The following CEMIP variants were observed in gnomAD, a reference collection of about 807,000 sequenced individuals.
CEMIP encodes the protein cell migration-inducing and hyaluronan-binding protein.
CEMIP carries 105 observed loss-of-function variants against 156.9 expected under a neutral mutation model. The ratio of observed to expected loss-of-function variants is 0.67; its 90% confidence interval spans 0.57 to 0.79. The LOEUF is 0.79. Among genes scored for constraint, CEMIP ranks in the 30% least tolerant of loss-of-function variants. The probability of loss-of-function intolerance (pLI) is 0.00; values close to 1 mark genes in which losing one functional copy is unlikely to be tolerated. For synonymous variants in CEMIP, 676 were observed against 668.4 expected, an observed-to-expected ratio of 1.01 and a Z score of -0.17; for missense variants, 1,457 against 1,769.4, an observed-to-expected ratio of 0.82 and a Z score of 3.17.
rs897902203 is a variant in CEMIP at position 80,780,506 on chromosome 15, T to C, written c.-176+892T>C. Among the ~76,000 whole-genome samples, 4 of 152,172 alleles carry C rather than the reference T, an allele frequency of 2.6e-5. No homozygotes were observed. In the South Asian group the frequency reaches 8.3e-4, roughly 32 times the overall value. ...CAGACACTCTCTGCGACAGCCGCTG[T>C]TCCCCAAGGGTCGGACGCTACGGCA... On this transcript the variant is annotated intron_variant, in intron 1 of 29. Transcript: ENST00000394685.
chr15:80,931,991 G>A lies in CEMIP; in HGVS notation c.2745G>A (p.Gln915=), dbSNP rs775805077. Residue 915 remains glutamine, a synonymous_variant, in exon 22 of 30, where the codon CAG becomes CAA. Coordinates refer to ENST00000394685, the MANE Select transcript of CEMIP (RefSeq NM_001293298.2). ...CCTTCCGCCTGAATAATGCCTGGCA[G>A]AGCTGCCCCCATAACAACGTGACCG... ...ALAFRLNNAW[Q]SCPHNNVTGI... 6.2e-7 allele frequency: 1 copy of A among 1,614,184 alleles called. No individual in the cohort carries two copies. Among genetic ancestry groups the A allele is most frequent in the East Asian group, 2.2e-5 (1 of 44,880 alleles).
chr15:80,902,454 G>A (rs1373453171), intron 12 of CEMIP, among the ~76,000 whole-genome samples: 2 of 152,154 alleles, frequency 1.3e-5, no homozygotes, highest in Admixed American at 6.5e-5. Context: ...GATGGGGTGC[G>A]GGGGAGTCAG....
At chr15:80,890,943 T>A (rs978004691) in intron 10 of CEMIP, among the ~76,000 whole-genome samples, 13 of 152,224 alleles carry the variant, frequency 8.5e-5, no homozygotes, top group Non-Finnish European at 1.8e-4. Flanking sequence ...CCAGATTAAG[T>A]TTCAAGTTGC....
intron 23 of CEMIP, among the ~76,000 whole-genome samples, chr15:80,934,263 G>GA (rs1433311745): frequency 1.3e-5 from 2 of 152,096 alleles, no homozygotes; most frequent in African/African-American, 2.4e-5. Context: ...AATGGGATAG[G>GA]AAAAAATATT....
chr15:80,889,676 G>C, intron 10 of CEMIP, 84 bp downstream of exon 10: 1 of 1,564,762 alleles, frequency 6.4e-7, no homozygotes, highest in Non-Finnish European at 8.7e-7. Context: ...CTTGTCACTT[G>C]GGTGCTGTGA....
intron 1 of CEMIP, among the ~76,000 whole-genome samples, chr15:80,870,937 G>T (rs1022578003): frequency 4.6e-4 from 70 of 152,316 alleles, no homozygotes; most frequent in African/African-American, 1.6e-3. Context: ...ACCCAGTGAG[G>T]ACAGCGGTCA....
intron 1 of CEMIP, among the ~76,000 whole-genome samples, chr15:80,814,783 A>G (rs531510357): frequency 6.6e-6 from 1 of 152,162 alleles, no homozygotes; most frequent in African/African-American, 2.4e-5. Context: ...CCAAATCATT[A>G]TTTTCTCCAG....
chr15:80,937,328 T>G (rs184841927), intron 24 of CEMIP, among the ~76,000 whole-genome samples: 2 of 152,324 alleles, frequency 1.3e-5, no homozygotes, highest in Admixed American at 1.3e-4. Flanking sequence ...GGGCTTCATA[T>G]ATTTAGATTC....
chr15:80,909,861 A>G lies in CEMIP; in HGVS notation c.1797+555A>G, dbSNP rs1188444512. ...ATTGACCTTTCTCGAAGTGAACTACATTTCTATCCTCTGTAAAGTTTAACA... is the reference window on the plus strand; with the variant it reads ...ATTGACCTTTCTCGAAGTGAACTACGTTTCTATCCTCTGTAAAGTTTAACA... On this transcript the variant is annotated intron_variant, in intron 14 of 29. Transcript: ENST00000394685. 3 of 344,474 alleles carry G rather than the reference A, an allele frequency of 8.7e-6. No individual in the cohort carries two copies. The East Asian group carries it at 2.2e-4, about 26-fold the overall frequency. 21.3% of individuals were successfully genotyped at this position (344,474 alleles called of 1,614,324 possible). A position where few individuals can be genotyped will look rare whatever the true frequency, so the allele number is the denominator to read the frequency against.
At chr15:80,936,995 T>C in intron 24 of CEMIP, 110 bp downstream of exon 24, 4 of 1,033,004 alleles carry the variant, frequency 3.9e-6, no homozygotes, top group Non-Finnish European at 6.0e-6. Flanking sequence ...ATGTGATCCA[T>C]GCAGGAGTAC....
intron 1 of CEMIP, among the ~76,000 whole-genome samples, chr15:80,804,689 T>G (rs760971580): frequency 6.6e-6 from 1 of 152,200 alleles, no homozygotes; most frequent in Non-Finnish European, 1.5e-5. Flanking sequence ...CTGGGATTCC[T>G]TCACAGGTGA....
At chr15:80,935,424 T>C (rs1374079522) in intron 23 of CEMIP, among the ~76,000 whole-genome samples, 1 of 152,224 alleles carries the variant, frequency 6.6e-6, no homozygotes, top group Non-Finnish European at 1.5e-5. Context: ...TCGTTAGAGC[T>C]TGCCAGATTA....
chr15:80,843,237 C>T (rs1471094479), intron 1 of CEMIP, among the ~76,000 whole-genome samples: 1 of 152,234 alleles, frequency 6.6e-6, no homozygotes, highest in East Asian at 1.9e-4. Flanking sequence ...TTAGGTAACT[C>T]ACCAGTCCAG....
chr15:80,893,606 C>T lies in CEMIP; in HGVS notation c.1087-1384C>T, dbSNP rs534220947. On this transcript the variant is annotated intron_variant, in intron 10 of 29. Transcript: ENST00000394685. ...CTTACCTTAACTGACCTTGAGCTTA[C>T]ATCTGAACCCCTCTGAGCATCAGCG... Among the ~76,000 whole-genome samples, 4 of 152,288 alleles carry T rather than the reference C, an allele frequency of 2.6e-5. No homozygotes were observed. The East Asian group carries it at 7.7e-4, about 29-fold the overall frequency.
intron 8 of CEMIP, among the ~76,000 whole-genome samples, chr15:80,888,190 G>A (rs566293312): frequency 2.6e-5 from 4 of 151,840 alleles, no homozygotes; most frequent in African/African-American, 4.8e-5. Flanking sequence ...TGGTAAAACC[G>A]TGTCTCTACT....
intron 10 of CEMIP, among the ~76,000 whole-genome samples, chr15:80,890,949 G>A (rs190776111): frequency 6.6e-6 from 1 of 152,338 alleles, no homozygotes; most frequent in East Asian, 1.9e-4. Flanking sequence ...TAAGTTTCAA[G>A]TTGCAGATTC....
chr15:80,935,430 G>C (rs1352872328), intron 23 of CEMIP, among the ~76,000 whole-genome samples: 1 of 152,156 alleles, frequency 6.6e-6, no homozygotes, highest in Admixed American at 6.5e-5. Flanking sequence ...GAGCTTGCCA[G>C]ATTATCATAA....
chr15:80,895,159 T>C lies in CEMIP; in HGVS notation c.1219+37T>C, dbSNP rs200803595. 2.0e-5 allele frequency: 33 copies of C among 1,613,806 alleles called. No individual in the cohort carries two copies. The African/African-American group carries it at 3.9e-4, about 19-fold the overall frequency. The stretch of plus-strand genomic sequence containing the variant: ...CTTGTCGGGGACACAGATGCAACTA[T>C]GGCTCGGTTCCTTGAACTGGCAGCT... On this transcript the variant is annotated intron_variant, in intron 11 of 29. Coordinates refer to ENST00000394685, the MANE Select transcript of CEMIP (RefSeq NM_001293298.2).
intron 1 of CEMIP, among the ~76,000 whole-genome samples, chr15:80,872,117 A>T (rs1314045607): frequency 6.6e-6 from 1 of 152,228 alleles, no homozygotes. Context: ...GAACTCGCAC[A>T]AAGAGCTTCA....
Sources: gnomAD v4.1 joint callset for allele counts (sites outside exome capture counted in the v4.1 genomes callset) on GRCh38, gnomAD v4.1.1 for gene constraint, MANE v1.5 for transcripts, NCBI Gene and HGNC (gene_info 2026-07-23, HGNC 2026-07-21) for gene names.